The following ADAMTS19 variants were observed in gnomAD, a reference collection of about 807,000 sequenced individuals.
The protein encoded by ADAMTS19 is A disintegrin and metalloproteinase with thrombospondin motifs 19.
ADAMTS19 carries 93 observed loss-of-function variants against 153.3 expected under a neutral mutation model. That is an observed-to-expected ratio of 0.61 (90% CI 0.51 to 0.72). ADAMTS19 has a LOEUF of 0.72. Ranked by LOEUF, ADAMTS19 falls within the 30% of genes least tolerant of loss-of-function variation. ADAMTS19 has a pLI of 0.00. For missense variants in ADAMTS19, 1,482 were observed against 1,552.1 expected (o/e 0.95, Z 0.76); for synonymous variants, 600 against 556.6 (o/e 1.08, Z -1.10).
intron 2 of ADAMTS19, among the ~76,000 whole-genome samples, chr5:129,467,146 T>C (rs1749892638): frequency 6.6e-6 from 1 of 152,214 alleles, no homozygotes; most frequent in African/African-American, 2.4e-5. Context: ...TGGCTGACTC[T>C]TGTCACAGGC....
intron 18 of ADAMTS19, among the ~76,000 whole-genome samples, chr5:129,694,480 A>G (rs1159623780): frequency 2.0e-5 from 3 of 152,086 alleles, no homozygotes; most frequent in African/African-American, 7.2e-5. Flanking sequence ...CATAAAGATA[A>G]ATATTTAAAT....
intron 8 of ADAMTS19, among the ~76,000 whole-genome samples, chr5:129,599,508 A>T (rs13436476): frequency 6.6e-6 from 1 of 152,124 alleles, no homozygotes; most frequent in Admixed American, 6.5e-5. Context: ...ACTTTTAAAA[A>T]GTATATTTTT....
chr5:129,599,881 G>A (rs979625951), intron 8 of ADAMTS19, among the ~76,000 whole-genome samples: 4 of 152,100 alleles, frequency 2.6e-5, no homozygotes, highest in Non-Finnish European at 5.9e-5. Context: ...TGTGATATAT[G>A]TTAAACTACC....
intron 21 of ADAMTS19, among the ~76,000 whole-genome samples, chr5:129,733,951 G>A (rs1359626129): frequency 1.7e-3 from 2 of 1,146 alleles, no homozygotes; most frequent in East Asian, 0.12. Context: ...GTGCGTGTGT[G>A]TGTGTGTGTG....
chr5:129,587,985 TA>T (rs1749906403), intron 7 of ADAMTS19, among the ~76,000 whole-genome samples: 1 of 151,516 alleles, frequency 6.6e-6, no homozygotes. Flanking sequence ...TAAAAACTTC[TA>T]GTCTTTTTTG....
chr5:129,649,259 G>T (rs2127043628), intron 13 of ADAMTS19, among the ~76,000 whole-genome samples: 1 of 152,166 alleles, frequency 6.6e-6, no homozygotes, highest in African/African-American at 2.4e-5. Flanking sequence ...TTGCTTGGTG[G>T]GATTGTAAAA....
At chr5:129,551,273 CA>C (rs1753082791) in intron 6 of ADAMTS19, among the ~76,000 whole-genome samples, 1 of 151,496 alleles carries the variant, frequency 6.6e-6, no homozygotes, top group African/African-American at 2.4e-5. Context: ...TTGATAACAA[CA>C]GTGAAGCATT....
At position 129,461,594 on chromosome 5, in the gene ADAMTS19, C is replaced by G; in HGVS notation, c.584C>G (p.Pro195Arg). ...LLRRDGRFLA[P>R]RFAVEQRPNP... is the part of the protein sequence containing the mutation. ...CGGAGAGACGGCCGCTTCCTGGCGCCGCGCTTCGCAGTGGAACAGCGGCCA... is the reference window on the plus strand; with the variant it reads ...CGGAGAGACGGCCGCTTCCTGGCGCGGCGCTTCGCAGTGGAACAGCGGCCA... Residue 195 changes from proline (P) to arginine (R), a missense_variant, in exon 2 of 23, where the codon CCG (proline) becomes CGG (arginine). This residue lies in a region of ADAMTS19 where 866 missense variants were observed against 827.7 expected (regional missense o/e 1.05). Transcript: ENST00000274487. This position sits in a 1 kb window ranked among gnomAD's most constrained non-coding sequence, Gnocchi z 4.6. 2.5e-6 allele frequency: 4 copies of G among 1,583,576 alleles called. No homozygotes were observed. Among genetic ancestry groups the G allele is most frequent in the Non-Finnish European group, 3.4e-6 (4 of 1,171,990 alleles).
rs528916318 is a variant in ADAMTS19, at chr5:129,489,191, G to C, written c.748-19886G>C. ...CTTTTGTAATTAGGGCTTTGGCACT[G>C]TTCTTTGGGATAATAGTAGATAGTA... On this transcript the variant is annotated intron_variant, in intron 2 of 22. Transcript: ENST00000274487. 1.1e-4 allele frequency among the ~76,000 whole-genome samples: 16 copies of C among 152,206 alleles called. 1 individual carries two copies. In the South Asian group the frequency reaches 3.1e-3, roughly 30 times the overall value.
At chr5:129,606,855 A>G (rs1265741881) in intron 8 of ADAMTS19, among the ~76,000 whole-genome samples, 4 of 152,232 alleles carry the variant, frequency 2.6e-5, no homozygotes, top group South Asian at 2.1e-4. Flanking sequence ...AAATGTTATC[A>G]CTTTCGTGAA....
intron 7 of ADAMTS19, among the ~76,000 whole-genome samples, chr5:129,554,168 A>G (rs1753233584): frequency 6.6e-6 from 1 of 152,150 alleles, no homozygotes; most frequent in Non-Finnish European, 1.5e-5. Flanking sequence ...TTGAGCATCT[A>G]TGGATTTTGG....
intron 16 of ADAMTS19, among the ~76,000 whole-genome samples, chr5:129,674,690 TC>T: frequency 6.6e-6 from 1 of 152,316 alleles, no homozygotes; most frequent in South Asian, 2.1e-4. Context: ...TCTTTTTCCT[TC>T]CTTTTTGCTA....
intron 19 of ADAMTS19, among the ~76,000 whole-genome samples, chr5:129,698,100 G>C (rs1561655601): frequency 1.3e-5 from 2 of 152,180 alleles, no homozygotes; most frequent in African/African-American, 4.8e-5. Context: ...AAAATGACTA[G>C]TTTCAAAAGG....
chr5:129,634,927 A>G (rs1221497210), intron 10 of ADAMTS19, among the ~76,000 whole-genome samples: 1 of 152,146 alleles, frequency 6.6e-6, no homozygotes. Context: ...ATCTAATTAA[A>G]CTAAAGAGCT....
intron 16 of ADAMTS19, among the ~76,000 whole-genome samples, chr5:129,676,621 C>T (rs1391898830): frequency 3.3e-5 from 5 of 152,150 alleles, no homozygotes; most frequent in African/African-American, 7.2e-5. Flanking sequence ...CATCTGAGAA[C>T]AGCTGTTTCA....
At chr5:129,641,804 C>T in intron 10 of ADAMTS19, 55 bp from the exon 11 acceptor site, 1 of 1,149,772 alleles carries the variant, frequency 8.7e-7, no homozygotes, top group Non-Finnish European at 1.3e-6. Context: ...TGATTGGCTT[C>T]ACTTAAAAAA....
At chr5:129,683,276 C>T (rs2127124828) in intron 17 of ADAMTS19, among the ~76,000 whole-genome samples, 1 of 151,714 alleles carries the variant, frequency 6.6e-6, no homozygotes, top group South Asian at 2.1e-4. Flanking sequence ...TAATTGGCCA[C>T]ACTATCCAAT....
intron 6 of ADAMTS19, among the ~76,000 whole-genome samples, chr5:129,534,547 G>T (rs1486528658): frequency 6.6e-6 from 1 of 152,134 alleles, no homozygotes; most frequent in Admixed American, 6.6e-5. Flanking sequence ...AATAGAAAAA[G>T]GGGGAATCCT....
intron 15 of ADAMTS19, among the ~76,000 whole-genome samples, chr5:129,663,942 C>G (rs1486897074): frequency 2.0e-5 from 3 of 152,142 alleles, no homozygotes; most frequent in Admixed American, 1.3e-4. Context: ...TGAACTCATC[C>G]TTTTTCTGTA....
Sources: gnomAD v4.1 joint callset for allele counts (sites outside exome capture counted in the v4.1 genomes callset) on GRCh38, gnomAD v4.1.1 for gene constraint, gnomAD v4.1.1 regional missense constraint, Gnocchi (gnomAD v3.1) non-coding constraint, MANE v1.5 for transcripts, NCBI Gene and HGNC (gene_info 2026-07-23, HGNC 2026-07-21) for gene names.